The following HCN1 variants were observed in gnomAD, a reference collection of about 807,000 sequenced individuals.
HCN1 encodes hyperpolarization activated cyclic nucleotide gated potassium channel 1, also known as potassium/sodium hyperpolarization-activated cyclic nucleotide-gated channel 1.
A neutral mutation model predicts 78.9 loss-of-function variants in HCN1; 13 were observed. That is an observed-to-expected ratio of 0.16 (90% CI 0.11 to 0.26). The LOEUF is 0.26. Ranked by LOEUF, HCN1 falls within the 10% of genes least tolerant of loss-of-function variation. The probability of loss-of-function intolerance (pLI) is 1.00; values close to 1 mark genes in which losing one functional copy is unlikely to be tolerated. For missense variants in HCN1, 810 were observed against 1,154.3 expected, an observed-to-expected ratio of 0.70 and a Z score of 4.32; for synonymous variants, 552 against 455.5, an observed-to-expected ratio of 1.21 and a Z score of -2.70.
intron 2 of HCN1, among the ~76,000 whole-genome samples, chr5:45,492,423 A>ATATATATAT (rs1561174289): frequency 2.2e-4 from 31 of 141,504 alleles, no homozygotes; most frequent in African/African-American, 4.1e-4. Flanking sequence ...ATATATATAT[A>ATATATATAT]AAATTTGAAG....
At chr5:45,279,437 GAGA>G (rs1374291649) in intron 6 of HCN1, among the ~76,000 whole-genome samples, 1 of 152,058 alleles carries the variant, frequency 6.6e-6, no homozygotes, top group Non-Finnish European at 1.5e-5. Context: ...TTCCATATTT[GAGA>G]AGGATAAGGA....
At chr5:45,521,249 CTCT>C (rs1349028915) in intron 2 of HCN1, among the ~76,000 whole-genome samples, 18 of 151,940 alleles carry the variant, frequency 1.2e-4, no homozygotes, top group Non-Finnish European at 2.5e-4. Context: ...TTGCAACCTT[CTCT>C]TCTTCTAGCT....
intron 3 of HCN1, among the ~76,000 whole-genome samples, chr5:45,444,381 C>T (rs1740742388): frequency 6.6e-6 from 1 of 152,022 alleles, no homozygotes; most frequent in African/African-American, 2.4e-5. Flanking sequence ...AAATAATTGC[C>T]TGAGGAATCA....
chr5:45,325,878 T>C (rs755411093), intron 5 of HCN1, among the ~76,000 whole-genome samples: 1 of 151,776 alleles, frequency 6.6e-6, no homozygotes, highest in African/African-American at 2.4e-5. Flanking sequence ...AGAGATCTTA[T>C]GGTGCAACTC....
chr5:45,562,426 C>G (rs1013110955), intron 2 of HCN1, among the ~76,000 whole-genome samples: 19 of 152,188 alleles, frequency 1.2e-4, no homozygotes, highest in African/African-American at 4.1e-4. Flanking sequence ...AATCCTAACA[C>G]TTTGGAAAGC....
intron 2 of HCN1, among the ~76,000 whole-genome samples, chr5:45,578,372 T>C (rs1259332876): frequency 6.6e-6 from 1 of 152,012 alleles, no homozygotes; most frequent in Non-Finnish European, 1.5e-5. Flanking sequence ...CAGTGAAATA[T>C]GTGGAGCCTT....
chr5:45,310,538 T>G (rs758370296), intron 5 of HCN1, among the ~76,000 whole-genome samples: 2 of 152,040 alleles, frequency 1.3e-5, no homozygotes, highest in Non-Finnish European at 2.9e-5. Flanking sequence ...ATGTTGTGGA[T>G]AAAAAGGAAC....
chr5:45,540,292 A>C (rs1464866899), intron 2 of HCN1, among the ~76,000 whole-genome samples: 3 of 151,518 alleles, frequency 2.0e-5, no homozygotes. Context: ...TTCTGCAAAA[A>C]TGAATAAAAA....
intron 6 of HCN1, among the ~76,000 whole-genome samples, chr5:45,268,241 A>T (rs1224465197): frequency 6.6e-6 from 1 of 152,202 alleles, no homozygotes; most frequent in Non-Finnish European, 1.5e-5. Flanking sequence ...GTAAACAAAC[A>T]TTTGCAAATT....
intron 2 of HCN1, among the ~76,000 whole-genome samples, chr5:45,567,972 A>G (rs1460218101): frequency 2.6e-5 from 4 of 151,804 alleles, no homozygotes; most frequent in Non-Finnish European, 5.9e-5. Context: ...ATCTATGGTA[A>G]TTAAAGTTTT....
At chr5:45,397,559 T>C (rs1203438201) in intron 3 of HCN1, among the ~76,000 whole-genome samples, 1 of 151,874 alleles carries the variant, frequency 6.6e-6, no homozygotes, top group Non-Finnish European at 1.5e-5. Context: ...AACTCCCTAA[T>C]TCAAGTATTA....
intron 2 of HCN1, among the ~76,000 whole-genome samples, chr5:45,478,412 G>A (rs562090853): frequency 1.3e-5 from 2 of 152,294 alleles, no homozygotes; most frequent in African/African-American, 2.4e-5. Flanking sequence ...CCACAACAAT[G>A]TCAAAGCTGA....
chr5:45,580,797 T>A (rs1315753170), intron 2 of HCN1, among the ~76,000 whole-genome samples: 1 of 152,134 alleles, frequency 6.6e-6, no homozygotes, highest in East Asian at 1.9e-4. Context: ...TGTTTGGTTT[T>A]TTGTCCTCGC....
At chr5:45,523,079 A>G (rs893461518) in intron 2 of HCN1, among the ~76,000 whole-genome samples, 2 of 151,334 alleles carry the variant, frequency 1.3e-5, no homozygotes, top group African/African-American at 4.9e-5. Flanking sequence ...TCATTGTTCA[A>G]TTCCCACCTA....
intron 2 of HCN1, among the ~76,000 whole-genome samples, chr5:45,477,586 A>G (rs1372283887): frequency 6.6e-6 from 1 of 152,166 alleles, no homozygotes; most frequent in Non-Finnish European, 1.5e-5. Flanking sequence ...GGAAGAAGAT[A>G]AATTATTCAA....
chr5:45,543,291 C>G (rs1743141372), intron 2 of HCN1, among the ~76,000 whole-genome samples: 1 of 151,870 alleles, frequency 6.6e-6, no homozygotes, highest in Non-Finnish European at 1.5e-5. Context: ...TACGATCTAT[C>G]TATAACATAG....
intron 3 of HCN1, among the ~76,000 whole-genome samples, chr5:45,456,685 G>A (rs1579907059): frequency 6.6e-6 from 1 of 151,938 alleles, no homozygotes; most frequent in Non-Finnish European, 1.5e-5. Context: ...GATGAGTAAT[G>A]CTGTTTTGCT....
intron 3 of HCN1, among the ~76,000 whole-genome samples, chr5:45,440,200 C>G (rs1271032899): frequency 2.0e-5 from 3 of 151,792 alleles, no homozygotes; most frequent in Non-Finnish European, 2.9e-5. Flanking sequence ...TTTATCTTCA[C>G]TGATTACTAT....
Position 45,669,865 on chromosome 5 carries a change from G to T in HCN1, c.426-24257C>A, listed in dbSNP as rs181281297. Among the ~76,000 whole-genome samples, 185 of 151,820 alleles carry T rather than the reference G, an allele frequency of 1.2e-3. 1 individual carries two copies. The highest frequency in any genetic ancestry group is 1.5e-3 in the Non-Finnish European group (102 of 67,768). On this transcript the variant is annotated intron_variant, in intron 1 of 7. Transcript: ENST00000303230. ...GGGCTGTTAACAAATGAAAGTCAAA[G>T]ATAGGAAAGTCATAGAAAACATTTT...
Sources: gnomAD v4.1 joint callset for allele counts (sites outside exome capture counted in the v4.1 genomes callset) on GRCh38, gnomAD v4.1.1 for gene constraint, MANE v1.5 for transcripts, NCBI Gene and HGNC (gene_info 2026-07-23, HGNC 2026-07-21) for gene names.